Variants in ITSN1 observed in about 807,000 individuals in gnomAD.
ITSN1 encodes the protein intersectin-1.
Under a neutral mutation model 239.8 loss-of-function variants are expected in ITSN1, and 58 were observed. That is an observed-to-expected ratio of 0.24 (90% CI 0.20 to 0.30). The LOEUF (loss-of-function observed/expected upper bound fraction) is 0.30, where lower values mean the gene tolerates loss of function less well. Among genes scored for constraint, ITSN1 ranks in the 10% least tolerant of loss-of-function variants. The pLI is 1.00. For missense variants in ITSN1, 1,558 were observed against 2,103.3 expected, an observed-to-expected ratio of 0.74 and a Z score of 5.07; for synonymous variants, 780 against 770.8, an observed-to-expected ratio of 1.01 and a Z score of -0.20.
intron 20 of ITSN1, among the ~76,000 whole-genome samples, chr21:33,806,556 C>T (rs534652825): frequency 6.6e-6 from 1 of 152,330 alleles, no homozygotes; most frequent in South Asian, 2.1e-4. Context: ...GCTGAAGTGG[C>T]TGCTGTGTAT....
intron 4 of ITSN1, among the ~76,000 whole-genome samples, chr21:33,724,636 A>G (rs566495591): frequency 6.6e-6 from 1 of 152,292 alleles, no homozygotes; most frequent in Non-Finnish European, 1.5e-5. Flanking sequence ...TATTTATCAG[A>G]TATCTCCTGT....
intron 1 of ITSN1, among the ~76,000 whole-genome samples, chr21:33,715,934 A>ATAAAATAT (rs1253098069): frequency 2.6e-5 from 4 of 152,164 alleles, no homozygotes; most frequent in Non-Finnish European, 5.9e-5. Context: ...AAATAAAATA[A>ATAAAATAT]TAAAATACAT....
At chr21:33,746,114 A>AT (rs924286628) in intron 5 of ITSN1, among the ~76,000 whole-genome samples, 1 of 152,166 alleles carries the variant, frequency 6.6e-6, no homozygotes, top group Non-Finnish European at 1.5e-5. Context: ...ATAAAAACGA[A>AT]TTTTTTAAAA....
intron 8 of ITSN1, 84 bp downstream of exon 8, chr21:33,755,481 A>T (rs552369783): frequency 2.8e-6 from 2 of 726,688 alleles, no homozygotes; most frequent in African/African-American, 3.6e-5. Context: ...GATATTTTCC[A>T]TGTCTGTGTG....
intron 1 of ITSN1, among the ~76,000 whole-genome samples, chr21:33,690,775 G>GTATGTATA (rs2091477064): frequency 1.4e-4 from 3 of 21,624 alleles, no homozygotes; most frequent in East Asian, 7.3e-4. Flanking sequence ...AAAAAAAAGT[G>GTATGTATA]TATATATATA....
intron 1 of ITSN1, among the ~76,000 whole-genome samples, chr21:33,687,063 G>A (rs772361571): frequency 2.6e-5 from 4 of 152,026 alleles, no homozygotes; most frequent in Non-Finnish European, 4.4e-5. Flanking sequence ...GGGTACGGTG[G>A]CCCATGCCTG....
intron 7 of ITSN1, among the ~76,000 whole-genome samples, chr21:33,753,018 A>T (rs970115987): frequency 2.6e-5 from 4 of 152,318 alleles, no homozygotes; most frequent in Admixed American, 2.6e-4. Context: ...CAAAAGCTTT[A>T]CATTAACTCA....
At position 33,881,838 on chromosome 21, in the gene ITSN1, T is replaced by C. The variant is rs77145357; in HGVS notation, c.4342-405T>C. Among the ~76,000 whole-genome samples the C allele has an allele frequency of 3.9e-3, 582 of 150,376 alleles. 23 individuals carry two copies. In the East Asian group the frequency reaches 0.077, roughly 20 times the overall value. On this transcript the variant is annotated intron_variant, in intron 34 of 39. Coordinates refer to ENST00000381318, the MANE Select transcript of ITSN1 (RefSeq NM_003024.3). Reference sequence around the variant, plus strand: ...TCTACAAAAGTTTTTTTCACATGTGTTGGGGGGCTGAGATGGGAGAATTGC... The same window carrying C: ...TCTACAAAAGTTTTTTTCACATGTGCTGGGGGGCTGAGATGGGAGAATTGC...
intron 29 of ITSN1, among the ~76,000 whole-genome samples, chr21:33,844,631 C>T (rs1412915996): frequency 6.6e-6 from 1 of 152,154 alleles, no homozygotes; most frequent in Non-Finnish European, 1.5e-5. Flanking sequence ...CCCTCCCTGC[C>T]CACTGTGTGC....
chr21:33,838,563 T>G (rs2074711661), intron 29 of ITSN1: 2 of 600,376 alleles, frequency 3.3e-6, no homozygotes, highest in Non-Finnish European at 4.2e-6. Context: ...CCAAGCAGAC[T>G]AGATGTCAGC....
chr21:33,828,895 A>G (rs2074125671), intron 26 of ITSN1: 1 of 453,146 alleles, frequency 2.2e-6, no homozygotes, highest in Non-Finnish European at 4.5e-6. Context: ...ACATTCAGGA[A>G]AAGTACAGAA....
intron 29 of ITSN1, among the ~76,000 whole-genome samples, chr21:33,844,301 C>T (rs963563687): frequency 7.9e-5 from 12 of 152,186 alleles, no homozygotes; most frequent in Non-Finnish European, 1.3e-4. Flanking sequence ...TTCACACGGT[C>T]GACGGTGGGG....
intron 12 of ITSN1, among the ~76,000 whole-genome samples, chr21:33,773,921 C>A (rs1039584078): frequency 2.6e-5 from 4 of 152,110 alleles, no homozygotes; most frequent in Non-Finnish European, 5.9e-5. Context: ...CTCAGGTGAT[C>A]CGCCTGCCTC....
In ITSN1 at chr21:33,683,029, GAACTATTTACTT is replaced by G. The variant is rs199872484; in HGVS notation, c.-32-35764_-32-35753del. Among the ~76,000 whole-genome samples the G allele has an allele frequency of 6.6e-5, 10 of 152,056 alleles. No homozygotes were observed. In the East Asian group the frequency reaches 1.9e-3, roughly 29 times the overall value. ...CTTGAATTTCCTCCTTCAAATATAT[GAACTATTTACTT>G]AACCAAACACTCTCTTTCTCTTCCC... On this transcript the variant is annotated intron_variant, in intron 1 of 39. Coordinates refer to ENST00000381318, the MANE Select transcript of ITSN1 (RefSeq NM_003024.3).
At chr21:33,643,089 C>T (rs2087565573) in intron 1 of ITSN1, among the ~76,000 whole-genome samples, 1 of 150,746 alleles carries the variant, frequency 6.6e-6, no homozygotes, top group Non-Finnish European at 1.5e-5. Flanking sequence ...GGGCTGACCT[C>T]GCTGCCCTCG....
Position 33,775,048 on chromosome 21 carries a change from C to A in ITSN1, c.1536C>A (p.Ser512Arg). The A allele has an allele frequency of 1.2e-6, 2 of 1,614,020 alleles. No individual in the cohort carries two copies. The highest frequency in any genetic ancestry group is 2.2e-5 in the South Asian group (2 of 91,074). Residue 512 changes from serine (S) to arginine (R), a missense_variant, in exon 14 of 40, where the codon AGC becomes AGA. By Grantham distance (110) the Ser-to-Arg change is moderately radical (BLOSUM62 -1). This residue lies in a region of ITSN1 where 982 missense variants were observed against 1,209.9 expected (regional missense o/e 0.81). Transcript: ENST00000381318. Reference sequence around the variant, plus strand: ...CCACCCAAAGGCAAGAAATTGAGAGCACAAACAAATCTAGAGAGTTGAGAA... The same window carrying A: ...CCACCCAAAGGCAAGAAATTGAGAGAACAAACAAATCTAGAGAGTTGAGAA... Reference protein sequence around the residue: ...RLTTQRQEIESTNKSRELRIA... With the variant: ...RLTTQRQEIERTNKSRELRIA...
At chr21:33,696,886 G>A (rs2091817881) in intron 1 of ITSN1, among the ~76,000 whole-genome samples, 1 of 152,058 alleles carries the variant, frequency 6.6e-6, no homozygotes, top group South Asian at 2.1e-4. Flanking sequence ...TGTATTTAGA[G>A]GTATACAATT....
chr21:33,882,309 T>C lies in ITSN1; in HGVS notation c.4408T>C (p.Tyr1470His). The C allele has an allele frequency of 6.2e-7, 1 of 1,614,226 alleles. No individual in the cohort carries two copies. Among genetic ancestry groups the C allele is most frequent in the Non-Finnish European group, 8.5e-7 (1 of 1,180,030 alleles). The change falls in exon 35 of 40, where the codon TAC becomes CAC. Residue 1470 changes from tyrosine to histidine, a missense_variant. Physicochemically the swap from Tyr to His is moderately conservative, Grantham distance 83. Transcript: ENST00000381318. This position sits in a 1 kb window ranked among gnomAD's most constrained non-coding sequence, Gnocchi z 4.5. ...CAAATTTCTGCACAGTGGGAAGCTC[T>C]ACAAGGCCAAGAGCAACAAGGAGCT... ...PRKFLHSGKLYKAKSNKELYG... is the reference protein window; with the variant it reads ...PRKFLHSGKLHKAKSNKELYG...
chr21:33,685,616 TAAAAAAAAA>T (rs933917476), intron 1 of ITSN1, among the ~76,000 whole-genome samples: 1 of 109,306 alleles, frequency 9.1e-6, no homozygotes, highest in African/African-American at 3.4e-5. Context: ...CCTTTTTGAG[TAAAAAAAAA>T]AAAAAAAAAA....
Sources: gnomAD v4.1 joint callset for allele counts (sites outside exome capture counted in the v4.1 genomes callset) on GRCh38, gnomAD v4.1.1 for gene constraint, gnomAD v4.1.1 regional missense constraint, Gnocchi (gnomAD v3.1) non-coding constraint, MANE v1.5 for transcripts, NCBI Gene and HGNC (gene_info 2026-07-23, HGNC 2026-07-21) for gene names.